The following CADM1 variants were observed in gnomAD, a reference collection of about 807,000 sequenced individuals.
CADM1 encodes cell adhesion molecule 1.
Under a neutral mutation model 53.1 loss-of-function variants are expected in CADM1, and 15 were observed. The observed-to-expected ratio is 0.28, with a 90% CI of 0.19 to 0.44. The LOEUF (loss-of-function observed/expected upper bound fraction) is 0.44. Among genes scored for constraint, CADM1 ranks in the 20% least tolerant of loss-of-function variants. The pLI, the probability that CADM1 is intolerant of heterozygous loss-of-function variation, is 1.00. For missense variants in CADM1, 434 were observed against 611.3 expected (o/e 0.71, Z 3.06); for synonymous variants, 281 against 243.0 (o/e 1.16, Z -1.45).
At chr11:115,491,479 G>T (rs1010301345) in intron 1 of CADM1, among the ~76,000 whole-genome samples, 1 of 151,932 alleles carries the variant, frequency 6.6e-6, no homozygotes, top group Non-Finnish European at 1.5e-5. Context: ...GCAGGAGAAT[G>T]GCATGAACCT....
chr11:115,289,021 C>T (rs892778999), intron 1 of CADM1, among the ~76,000 whole-genome samples: 2 of 152,056 alleles, frequency 1.3e-5, no homozygotes, highest in Non-Finnish European at 1.5e-5. Flanking sequence ...TGACTGTTCT[C>T]AGGAAGAACT....
At chr11:115,226,743 CTG>C (rs1475913195) in intron 5 of CADM1, among the ~76,000 whole-genome samples, 1 of 152,170 alleles carries the variant, frequency 6.6e-6, no homozygotes, top group Non-Finnish European at 1.5e-5. Context: ...GGCCCAGTGA[CTG>C]AGTGCTTCAG....
At chr11:115,404,340 AAAAAAAATATATATATAT>A (rs1423047320) in intron 1 of CADM1, among the ~76,000 whole-genome samples, 4 of 46,396 alleles carry the variant, frequency 8.6e-5, no homozygotes, top group African/African-American at 2.8e-4. Flanking sequence ...AAAAAAAAAA[AAAAAAAATATATATATAT>A]ATATATATAT....
chr11:115,231,394 G>C lies in CADM1; in HGVS notation c.521C>G (p.Ala174Gly), dbSNP rs1941808325. The change falls in exon 4 of 12, where the codon GCC (alanine) becomes GGC (glycine). Residue 174 changes from alanine to glycine, a missense_variant. Transcript: ENST00000331581. ...VNCTAMASKP[A>G]TTIRWFKGNT... The stretch of plus-strand genomic sequence containing the variant: ...CCCTTTGAACCACCTGATAGTCGTG[G>C]CTGGCTTGCTGGCCATAGCAGTGCA... 1 of 1,614,008 alleles carries C rather than the reference G, an allele frequency of 6.2e-7. No individual in the cohort carries two copies. The highest frequency in any genetic ancestry group is 1.3e-5 in the African/African-American group (1 of 74,924).
chr11:115,482,980 C>T lies in CADM1; in HGVS notation c.124+21291G>A, dbSNP rs548188923. 3.3e-5 allele frequency among the ~76,000 whole-genome samples: 5 copies of T among 152,276 alleles called. No individual in the cohort carries two copies. In the East Asian group the frequency reaches 5.8e-4, roughly 18 times the overall value. On this transcript the variant is annotated intron_variant, in intron 1 of 11. Transcript: ENST00000331581. ...ACTGTCATTGGGCAAGCAGTGAACA[C>T]GGAATAATTATTTCATACTTTTCCC...
intron 1 of CADM1, among the ~76,000 whole-genome samples, chr11:115,245,859 A>G (rs992040300): frequency 6.6e-6 from 1 of 152,228 alleles, no homozygotes; most frequent in African/African-American, 2.4e-5. Context: ...AAAAGACTCA[A>G]TCCTATCTTT....
chr11:115,456,477 T>C (rs1459135284), intron 1 of CADM1, among the ~76,000 whole-genome samples: 1 of 152,162 alleles, frequency 6.6e-6, no homozygotes, highest in Non-Finnish European at 1.5e-5. Context: ...TTTATATAAT[T>C]TTATCTTAAG....
At chr11:115,223,651 G>T (rs565005446) in intron 5 of CADM1, among the ~76,000 whole-genome samples, 1 of 152,086 alleles carries the variant, frequency 6.6e-6, no homozygotes, top group Admixed American at 6.6e-5. Flanking sequence ...TCTTGCTCAC[G>T]ATGTATTTGC....
chr11:115,237,993 T>C lies in CADM1; in HGVS notation c.424+507A>G, dbSNP rs994843226. Among the ~76,000 whole-genome samples, 5 of 152,264 alleles carry C rather than the reference T, an allele frequency of 3.3e-5. No homozygotes were observed. In the East Asian group the frequency reaches 9.6e-4, roughly 29 times the overall value. ...CAAAGTATATGTTCATGGAGTATGA[T>C]TTTTTTACAGCATAATCTAGAGTAT... On this transcript the variant is annotated intron_variant, in intron 3 of 11. Transcript: ENST00000331581.
chr11:115,270,459 C>A (rs1415498741), intron 1 of CADM1, among the ~76,000 whole-genome samples: 1 of 152,164 alleles, frequency 6.6e-6, no homozygotes, highest in Non-Finnish European at 1.5e-5. Context: ...AACTTCTGGG[C>A]ACCCCCTCCC....
intron 1 of CADM1, among the ~76,000 whole-genome samples, chr11:115,360,717 C>T (rs1443715901): frequency 6.6e-6 from 1 of 152,172 alleles, no homozygotes; most frequent in Non-Finnish European, 1.5e-5. Flanking sequence ...AACATAGTTG[C>T]AGTCTTAAGG....
At chr11:115,356,121 G>A (rs1422083403) in intron 1 of CADM1, among the ~76,000 whole-genome samples, 1 of 151,976 alleles carries the variant, frequency 6.6e-6, no homozygotes, top group African/African-American at 2.4e-5. Context: ...GTAAGCTACC[G>A]CGCCCGGCTG....
intron 1 of CADM1, among the ~76,000 whole-genome samples, chr11:115,367,527 T>C (rs1438616920): frequency 6.6e-6 from 1 of 152,148 alleles, no homozygotes; most frequent in Non-Finnish European, 1.5e-5. Context: ...TTATAGAAAA[T>C]GAAACAGAAA....
chr11:115,255,512 C>T (rs754578066), intron 1 of CADM1, among the ~76,000 whole-genome samples: 3 of 152,068 alleles, frequency 2.0e-5, no homozygotes, highest in Admixed American at 1.3e-4. Flanking sequence ...ATTTGAGGAG[C>T]GCTGGCCTGG....
At chr11:115,408,425 T>A (rs1455524197) in intron 1 of CADM1, among the ~76,000 whole-genome samples, 2 of 152,196 alleles carry the variant, frequency 1.3e-5, no homozygotes, top group Admixed American at 6.5e-5. Context: ...CCAAAAGGAA[T>A]AAATCAATGA....
At chr11:115,292,509 T>C (rs1943932455) in intron 1 of CADM1, among the ~76,000 whole-genome samples, 1 of 152,236 alleles carries the variant, frequency 6.6e-6, no homozygotes, top group Non-Finnish European at 1.5e-5. Flanking sequence ...AAATTCTATG[T>C]GGAAGCCAGA....
rs1199193967 is a variant in CADM1, at chr11:115,351,764, T to C, written c.125-111344A>G. Among the ~76,000 whole-genome samples, 3 of 152,196 alleles carry C rather than the reference T, an allele frequency of 2.0e-5. No homozygotes were observed. The East Asian group carries it at 5.8e-4, about 29-fold the overall frequency. The stretch of plus-strand genomic sequence containing the variant: ...AATATAAAACCTAACCAGCATGCTC[T>C]TTCTCATTCTCTAGGGCATAGGAGC... On this transcript the variant is annotated intron_variant, in intron 1 of 11. Transcript: ENST00000331581.
chr11:115,232,010 T>TAACAACAACAAC (rs553618979), intron 3 of CADM1, among the ~76,000 whole-genome samples: 6 of 141,746 alleles, frequency 4.2e-5, no homozygotes, highest in Non-Finnish European at 6.1e-5. Context: ...ATAATAATAA[T>TAACAACAACAAC]AATAACAACA....
chr11:115,430,469 T>TTA (rs1009836538), intron 1 of CADM1, among the ~76,000 whole-genome samples: 2 of 152,252 alleles, frequency 1.3e-5, no homozygotes, highest in Admixed American at 1.3e-4. Flanking sequence ...AGAATTAGCC[T>TTA]TAAGCTGCCA....
Sources: allele counts gnomAD v4.1 joint callset (sites outside exome capture counted in the v4.1 genomes callset), GRCh38; gene constraint gnomAD v4.1.1; transcripts MANE v1.5; gene names NCBI Gene and HGNC (gene_info 2026-07-23, HGNC 2026-07-21).